Variants in CARM1 observed in about 807,000 individuals in gnomAD.
CARM1 encodes coactivator associated arginine methyltransferase 1.
A neutral mutation model predicts 72.7 loss-of-function variants in CARM1; 14 were observed. That is an observed-to-expected ratio of 0.19 (90% CI 0.13 to 0.30). The LOEUF is 0.30. Among genes scored for constraint, CARM1 ranks in the 10% least tolerant of loss-of-function variants. CARM1 has a pLI of 1.00. For synonymous variants in CARM1, 333 were observed against 345.5 expected (o/e 0.96, Z 0.40); for missense variants, 432 against 833.7 (o/e 0.52, Z 5.93).
At chr19:10,918,406 A>C (rs1259348413) in intron 8 of CARM1, among the ~76,000 whole-genome samples, 1 of 151,858 alleles carries the variant, frequency 6.6e-6, no homozygotes, top group Non-Finnish European at 1.5e-5. Flanking sequence ...ATTTTTTTGT[A>C]GATATGGGGC....
Position 10,916,262 on chromosome 19 carries a change from G to A in CARM1, c.848-145G>A. ...AAACACTGATCAGAATAGGCGCTCG[G>A]TGCCACTGTCACAGGAGTGCAGGAA... On this transcript the variant is annotated intron_variant, in intron 6 of 15. Coordinates refer to ENST00000327064, the MANE Select transcript of CARM1 (RefSeq NM_199141.2). This position sits in a 1 kb window ranked among gnomAD's most constrained non-coding sequence, Gnocchi z 4.4. 1.6e-6 allele frequency: 1 copy of A among 617,576 alleles called. No individual in the cohort carries two copies. The highest frequency in any genetic ancestry group is 2.9e-6 in the Non-Finnish European group (1 of 341,620). 38.3% of individuals were successfully genotyped at this position (617,576 alleles called of 1,614,324 possible). A position where few individuals can be genotyped will look rare whatever the true frequency, so the allele number is the denominator to read the frequency against.
intron 2 of CARM1, among the ~76,000 whole-genome samples, chr19:10,906,499 G>GGCTGGAGT (rs1401296061): frequency 1.3e-5 from 2 of 152,308 alleles, no homozygotes; most frequent in East Asian, 1.9e-4. Context: ...CTGTCACCCA[G>GGCTGGAGT]GCTGGAGTGC....
chr19:10,872,742 C>G lies in CARM1; in HGVS notation c.220+820C>G, dbSNP rs535692933. ...AGCACCCCCCACCCCCGCTCCCAGT[C>G]TTTGTAGTTCATTCTTCTTCTTGTT... On this transcript the variant is annotated intron_variant, in intron 1 of 15. Transcript: ENST00000327064. Among the ~76,000 whole-genome samples the G allele has an allele frequency of 8.5e-5, 13 of 152,154 alleles. No individual in the cohort carries two copies. In the South Asian group the frequency reaches 1.7e-3, roughly 19 times the overall value.
chr19:10,879,779 A>G (rs371556790), intron 1 of CARM1, among the ~76,000 whole-genome samples: 1 of 151,972 alleles, frequency 6.6e-6, no homozygotes, highest in African/African-American at 2.4e-5. Flanking sequence ...ACACCCAGAT[A>G]ATTTTTGTAT....
chr19:10,921,464 A>C, intron 15 of CARM1, 21 bp downstream of exon 15: 5 of 1,595,756 alleles, frequency 3.1e-6, no homozygotes, highest in Non-Finnish European at 4.3e-6. Flanking sequence ...TGGCGGGGGC[A>C]GGGCCCGTGG....
rs544681171 is a variant in CARM1, at chr19:10,891,690, G to A, written c.221-13261G>A. ...AACTTGCGTAGACGCCGGCCCTCCC[G>A]CCCCCAGCCTTCGCCATTGCCTTTT... On this transcript the variant is annotated intron_variant, in intron 1 of 15. Coordinates refer to ENST00000327064, the MANE Select transcript of CARM1 (RefSeq NM_199141.2). Among the ~76,000 whole-genome samples, 15 of 152,262 alleles carry A rather than the reference G, an allele frequency of 9.9e-5. No individual in the cohort carries two copies. In the South Asian group the frequency reaches 2.7e-3, roughly 27 times the overall value.
At position 10,920,966 on chromosome 19, in the gene CARM1, A is replaced by AT; in HGVS notation, c.1537+21dup. The AT allele has an allele frequency of 6.2e-7, 1 of 1,611,694 alleles. No individual in the cohort carries two copies. Among genetic ancestry groups the AT allele is most frequent in the Non-Finnish European group, 8.5e-7 (1 of 1,177,794 alleles). On this transcript the variant is annotated intron_variant, in intron 13 of 15. Coordinates refer to ENST00000327064, the MANE Select transcript of CARM1 (RefSeq NM_199141.2). This position sits in a 1 kb window ranked among gnomAD's most constrained non-coding sequence, Gnocchi z 5.3. ...TGGCAGGTGAGCAGGGCCCACCCCA[A>AT]TGCCCAGCCAACCCGGGAGGCCGCC...
At chr19:10,898,200 G>A (rs574123092) in intron 1 of CARM1, among the ~76,000 whole-genome samples, 11 of 152,132 alleles carry the variant, frequency 7.2e-5, no homozygotes, top group South Asian at 6.2e-4. Flanking sequence ...CCAGCTACTC[G>A]GGAGGCTGAG....
At chr19:10,913,029 C>T (rs1043810157) in intron 5 of CARM1, among the ~76,000 whole-genome samples, 2 of 152,110 alleles carry the variant, frequency 1.3e-5, no homozygotes, top group Non-Finnish European at 2.9e-5. Context: ...TTGCAGCCAC[C>T]AGCAGTTGTC....
Position 10,871,876 on chromosome 19 carries a change from C to T in CARM1, c.174C>T (p.Leu58=). 1 of 1,262,880 alleles carries T rather than the reference C, an allele frequency of 7.9e-7. No individual in the cohort carries two copies. Among genetic ancestry groups the T allele is most frequent in the South Asian group, 2.3e-5 (1 of 43,158 alleles). 78.2% of individuals were successfully genotyped at this position (1,262,880 alleles called of 1,614,324 possible). A position where few individuals can be genotyped will look rare whatever the true frequency, so the allele number is the denominator to read the frequency against. The change falls in exon 1 of 16, where the codon CTC becomes CTT. Residue 58 remains leucine (L), a synonymous_variant. Transcript: ENST00000327064. The surrounding 1 kb of genome is among the most constrained non-coding windows in gnomAD (Gnocchi z 5.6). ...ACGCGGAGCAGCAGGCGCTGCGCCT[C>T]GAGGTGCGCGCCGGCCCGGACTCGG... ...QRHAEQQALR[L]EVRAGPDSAG...
intron 1 of CARM1, among the ~76,000 whole-genome samples, chr19:10,889,614 CT>C (rs1286427666): frequency 6.6e-6 from 1 of 151,914 alleles, no homozygotes; most frequent in African/African-American, 2.4e-5. Context: ...CAGGCGTGAG[CT>C]ACCATGCCTG....
chr19:10,882,671 C>G (rs1689210952), intron 1 of CARM1, among the ~76,000 whole-genome samples: 1 of 150,910 alleles, frequency 6.6e-6, no homozygotes, highest in South Asian at 2.1e-4. Flanking sequence ...CCTCCTGAGT[C>G]TCTGGGACTA....
At chr19:10,889,248 C>T (rs943443434) in intron 1 of CARM1, among the ~76,000 whole-genome samples, 2 of 152,140 alleles carry the variant, frequency 1.3e-5, no homozygotes, top group South Asian at 2.1e-4. Context: ...CACCTCTGTT[C>T]CGTAGGTGGC....
intron 1 of CARM1, among the ~76,000 whole-genome samples, chr19:10,885,473 C>T (rs1477383530): frequency 6.6e-6 from 1 of 152,158 alleles, no homozygotes; most frequent in Non-Finnish European, 1.5e-5. Context: ...TATAGAAAAC[C>T]TGCCCAGCGG....
At chr19:10,897,199 T>C (rs980217510) in intron 1 of CARM1, among the ~76,000 whole-genome samples, 18 of 152,200 alleles carry the variant, frequency 1.2e-4, no homozygotes, top group African/African-American at 4.3e-4. Context: ...TCTTGCTGTG[T>C]GACCTTGAGC....
intron 1 of CARM1, among the ~76,000 whole-genome samples, chr19:10,891,171 A>G (rs1187647703): frequency 6.6e-6 from 1 of 151,776 alleles, no homozygotes; most frequent in African/African-American, 2.4e-5. Flanking sequence ...GGGACACAGG[A>G]ACCAAGACTG....
intron 1 of CARM1, among the ~76,000 whole-genome samples, chr19:10,901,938 G>T: frequency 6.6e-6 from 1 of 151,364 alleles, no homozygotes; most frequent in Non-Finnish European, 1.5e-5. Flanking sequence ...AACAGATCAA[G>T]AATCTGTCTC....
At position 10,908,030 on chromosome 19, in the gene CARM1, C is replaced by T. The variant is rs780948934; in HGVS notation, c.347-9C>T. 81 of 1,605,952 alleles carry T rather than the reference C, an allele frequency of 5.0e-5. No homozygotes were observed. The highest frequency in any genetic ancestry group is 6.8e-5 in the Non-Finnish European group (80 of 1,172,838). On this transcript the variant is annotated splice_polypyrimidine_tract_variant and intron_variant, in intron 2 of 15. Transcript: ENST00000327064. ...ACCGCCCCCCGGTGACTTGGCTTCCCTGTTCCAGATTTCTGTTCCTTCTAC... is the reference window on the plus strand; with the variant it reads ...ACCGCCCCCCGGTGACTTGGCTTCCTTGTTCCAGATTTCTGTTCCTTCTAC...
intron 1 of CARM1, among the ~76,000 whole-genome samples, chr19:10,901,413 C>T (rs987018343): frequency 1.3e-5 from 2 of 151,900 alleles, no homozygotes; most frequent in African/African-American, 4.8e-5. Flanking sequence ...AGCTCCCGGG[C>T]TCAAGCAATC....
Sources: allele counts gnomAD v4.1 joint callset (sites outside exome capture counted in the v4.1 genomes callset), GRCh38; gene constraint gnomAD v4.1.1; non-coding constraint Gnocchi (gnomAD v3.1); transcripts MANE v1.5; gene names NCBI Gene and HGNC (gene_info 2026-07-23, HGNC 2026-07-21).